UROS: variants seen among roughly 807,000 people sequenced by gnomAD.
The protein encoded by UROS is uroporphyrinogen III synthase.
Under a neutral mutation model 33.0 loss-of-function variants are expected in UROS, and 18 were observed. That is an observed-to-expected ratio of 0.55 (90% CI 0.38 to 0.81). The LOEUF (loss-of-function observed/expected upper bound fraction) is 0.81. Among genes scored for constraint, UROS ranks in the 30% least tolerant of loss-of-function variants. The pLI, the probability that UROS is intolerant of heterozygous loss-of-function variation, is 0.00. For missense variants in UROS, 293 were observed against 314.9 expected (o/e 0.93, Z 0.53); for synonymous variants, 114 against 121.1 (o/e 0.94, Z 0.38).
intron 9 of UROS, chr10:125,791,548 T>C (rs1457919257): frequency 6.6e-6 from 1 of 152,178 alleles, no homozygotes; most frequent in African/African-American, 2.4e-5. Context: ...CATTATTTAA[T>C]AGCCTGAAAG....
At chr10:125,793,718 T>A (rs1250869074) in intron 9 of UROS, 4 of 152,152 alleles carry the variant, frequency 2.6e-5, no homozygotes, top group African/African-American at 9.7e-5. Flanking sequence ...AGCTAATTTT[T>A]ATATTTTTAG....
intron 2 of UROS, 80 bp from the exon 3 acceptor site, chr10:125,816,340 G>A: frequency 6.3e-7 from 1 of 1,599,902 alleles, no homozygotes; most frequent in Non-Finnish European, 8.6e-7. Flanking sequence ...TTCTGCGTCA[G>A]TTCCTCTGAG....
intron 4 of UROS, 64 bp from the exon 5 acceptor site, chr10:125,812,352 A>G (rs1421119368): frequency 1.4e-6 from 2 of 1,477,770 alleles, no homozygotes; most frequent in Non-Finnish European, 1.9e-6. Flanking sequence ...CTGTTGCCCA[A>G]GGCTGCTTGT....
intron 1 of UROS, among the ~76,000 whole-genome samples, chr10:125,818,363 C>T (rs1443706409): frequency 6.6e-6 from 1 of 152,054 alleles, no homozygotes; most frequent in African/African-American, 2.4e-5. Context: ...CATAGTGGCG[C>T]ATCCCTGTAG....
intron 6 of UROS, among the ~76,000 whole-genome samples, chr10:125,799,246 T>G (rs11244658): frequency 0.43 from 64,876 of 152,076 alleles, 14,065 homozygotes; most frequent in Non-Finnish European, 0.46. Context: ...CAACATAAAA[T>G]AAAATAATGA....
At chr10:125,798,250 G>C (rs1243303426) in intron 6 of UROS, 105 bp from the exon 7 acceptor site, 1 of 1,166,820 alleles carries the variant, frequency 8.6e-7, no homozygotes, top group African/African-American at 1.5e-5. Flanking sequence ...CTGGGCTCCA[G>C]GCCTGGCTCT....
chr10:125,803,036 G>A lies in UROS; in HGVS notation c.394+4377C>T, dbSNP rs112830921. ...TTTGACTTCTTCACCTGAGGGAAGA[G>A]AAATGAGCATATTTTGGACTTGGAC... On this transcript the variant is annotated intron_variant, in intron 6 of 9. Coordinates refer to ENST00000368797, the MANE Select transcript of UROS (RefSeq NM_000375.3). The A allele has an allele frequency of 2.7e-4, 428 of 1,612,934 alleles. No individual in the cohort carries two copies. The African/African-American group carries it at 4.5e-3, about 17-fold the overall frequency.
At chr10:125,802,167 A>T (rs556615830) in intron 6 of UROS, 2 of 985,500 alleles carry the variant, frequency 2.0e-6, no homozygotes, top group East Asian at 2.3e-4. Context: ...AAAAGCCTGG[A>T]GCCAGACAAG....
intron 4 of UROS, 46 bp downstream of exon 4, chr10:125,814,988 A>C: frequency 6.3e-7 from 1 of 1,598,820 alleles, no homozygotes; most frequent in African/African-American, 1.3e-5. Flanking sequence ...AGGAGAAATA[A>C]GAGTAAATAA....
downstream of UROS, among the ~76,000 whole-genome samples, chr10:125,787,727 C>T (rs1435405227): frequency 2.0e-5 from 3 of 152,136 alleles, no homozygotes; most frequent in African/African-American, 7.2e-5. Flanking sequence ...CACAAGTGGT[C>T]ACTTCATGGA....
intron 6 of UROS, chr10:125,802,172 G>C (rs1353342309): frequency 2.0e-6 from 2 of 985,404 alleles, no homozygotes; most frequent in Non-Finnish European, 2.4e-6. Context: ...CCTGGAGCCA[G>C]ACAAGACCCA....
At chr10:125,801,996 A>T (rs1851873241) in intron 6 of UROS, 1 of 984,582 alleles carries the variant, frequency 1.0e-6, no homozygotes, top group South Asian at 4.7e-5. Flanking sequence ...TAAAGAGCTA[A>T]TTGTCAGCCA....
chr10:125,817,973 G>A (rs1853499208), intron 1 of UROS, among the ~76,000 whole-genome samples: 1 of 152,170 alleles, frequency 6.6e-6, no homozygotes, highest in Non-Finnish European at 1.5e-5. Flanking sequence ...TGTAAACAGA[G>A]AAAATATTTC....
intron 8 of UROS, among the ~76,000 whole-genome samples, chr10:125,795,806 C>T (rs534650040): frequency 5.9e-5 from 9 of 152,344 alleles, no homozygotes; most frequent in African/African-American, 1.4e-4. Context: ...CTCAAAGTCA[C>T]CACATTAATC....
chr10:125,800,448 C>G (rs555491750), intron 6 of UROS, among the ~76,000 whole-genome samples: 1 of 152,146 alleles, frequency 6.6e-6, no homozygotes, highest in Admixed American at 6.5e-5. Flanking sequence ...TCGCACCTTA[C>G]GCAGGGGAGG....
chr10:125,819,437 C>A (rs926743621), intron 1 of UROS, among the ~76,000 whole-genome samples: 2 of 152,156 alleles, frequency 1.3e-5, no homozygotes, highest in South Asian at 4.1e-4. Flanking sequence ...TTTGGTGCCA[C>A]GTGACTCAGA....
chr10:125,809,722 T>C (rs1337951139), intron 5 of UROS, among the ~76,000 whole-genome samples: 1 of 152,162 alleles, frequency 6.6e-6, no homozygotes, highest in African/African-American at 2.4e-5. Flanking sequence ...CATGTACTTT[T>C]GAAAAAAATT....
At chr10:125,806,875 CTATG>C (rs749922522) in intron 6 of UROS, among the ~76,000 whole-genome samples, 3 of 152,192 alleles carry the variant, frequency 2.0e-5, no homozygotes, top group Non-Finnish European at 4.4e-5. Context: ...GAATTTTTGC[CTATG>C]TATCTTCTGA....
chr10:125,786,221 A>C (rs777718510), downstream of UROS, among the ~76,000 whole-genome samples: 9 of 152,008 alleles, frequency 5.9e-5, no homozygotes, highest in Admixed American at 4.6e-4. Context: ...AGTAGGAATG[A>C]AGTTTGGGAA....
Sources: allele counts gnomAD v4.1 joint callset (sites outside exome capture counted in the v4.1 genomes callset), GRCh38; gene constraint gnomAD v4.1.1; transcripts MANE v1.5; gene names NCBI Gene and HGNC (gene_info 2026-07-23, HGNC 2026-07-21).